DNM3: variants seen among roughly 807,000 people sequenced by gnomAD.
The protein encoded by DNM3 is dynamin 3.
In DNM3, 47 loss-of-function variants were observed where a neutral mutation model predicts 101.6. The observed-to-expected ratio is 0.46, with a 90% CI of 0.37 to 0.59. The LOEUF is 0.59. Among genes scored for constraint, DNM3 ranks in the 20% least tolerant of loss-of-function variants. The probability of loss-of-function intolerance (pLI) is 0.00; values close to 1 mark genes in which losing one functional copy is unlikely to be tolerated. For missense variants in DNM3, 849 were observed against 1,085.7 expected (o/e 0.78, Z 3.06); for synonymous variants, 385 against 387.9 (o/e 0.99, Z 0.09).
At chr1:171,967,996 T>C (rs1256562887) in intron 2 of DNM3, among the ~76,000 whole-genome samples, 1 of 152,182 alleles carries the variant, frequency 6.6e-6, no homozygotes, top group African/African-American at 2.4e-5. Context: ...CTGCCTTTTG[T>C]CAGCTTATTT....
intron 1 of DNM3, among the ~76,000 whole-genome samples, chr1:171,902,583 GGAGT>G (rs1349497069): frequency 6.6e-6 from 1 of 151,862 alleles, no homozygotes; most frequent in Non-Finnish European, 1.5e-5. Flanking sequence ...CCAAAAGGAG[GGAGT>G]ATTTTTTTTA....
chr1:171,957,122 C>G (rs1378737206), intron 2 of DNM3, among the ~76,000 whole-genome samples: 1 of 152,088 alleles, frequency 6.6e-6, no homozygotes, highest in Non-Finnish European at 1.5e-5. Flanking sequence ...CATTAGGCTC[C>G]TTGTTATTTA....
chr1:172,179,974 C>T (rs961926535), intron 14 of DNM3, among the ~76,000 whole-genome samples: 13 of 151,906 alleles, frequency 8.6e-5, no homozygotes, highest in Non-Finnish European at 1.9e-4. Context: ...TTCAGTAAAG[C>T]CTAATTGTAT....
At chr1:172,213,683 G>A (rs370027524) in intron 14 of DNM3, among the ~76,000 whole-genome samples, 2 of 151,746 alleles carry the variant, frequency 1.3e-5, no homozygotes, top group Non-Finnish European at 2.9e-5. Context: ...CAAAAAATTA[G>A]CGAGGCATGG....
At chr1:172,162,124 T>A (rs2058566790) in intron 14 of DNM3, among the ~76,000 whole-genome samples, 1 of 152,124 alleles carries the variant, frequency 6.6e-6, no homozygotes, top group African/African-American at 2.4e-5. Flanking sequence ...TGTTAGTAAA[T>A]ATTTTTATAA....
chr1:172,323,480 T>C (rs191829185), intron 17 of DNM3, 140 bp downstream of exon 17: 5 of 1,038,326 alleles, frequency 4.8e-6, no homozygotes, highest in South Asian at 2.2e-5. Context: ...GTGTGCAAAT[T>C]TGGGGGAAAA....
intron 1 of DNM3, among the ~76,000 whole-genome samples, chr1:171,870,103 C>T (rs572472430): frequency 1.3e-5 from 2 of 152,320 alleles, no homozygotes; most frequent in Non-Finnish European, 2.9e-5. Context: ...CTAGCCTTAA[C>T]TAGGTCTGGT....
chr1:171,894,681 A>AC (rs2037611983), intron 1 of DNM3, among the ~76,000 whole-genome samples: 1 of 152,080 alleles, frequency 6.6e-6, no homozygotes, highest in South Asian at 2.1e-4. Flanking sequence ...GGTTTGTTGC[A>AC]CCCATCAACT....
At chr1:172,147,835 C>G (rs1376857711) in intron 14 of DNM3, among the ~76,000 whole-genome samples, 1 of 152,082 alleles carries the variant, frequency 6.6e-6, no homozygotes, top group Non-Finnish European at 1.5e-5. Context: ...CTTCTTAACC[C>G]TTTCTGTCTT....
At chr1:172,268,592 A>T (rs77104126) in intron 15 of DNM3, among the ~76,000 whole-genome samples, 5,396 of 152,292 alleles carry the variant, frequency 0.035, 141 homozygotes, top group Middle Eastern at 0.095. Flanking sequence ...TTCTCGGCCC[A>T]TTTGGTTTAT....
At chr1:172,315,260 C>T (rs1302603138) in intron 16 of DNM3, among the ~76,000 whole-genome samples, 1 of 152,088 alleles carries the variant, frequency 6.6e-6, no homozygotes, top group Non-Finnish European at 1.5e-5. Flanking sequence ...TCATCAAAGA[C>T]CAAAAGTAGA....
At chr1:172,341,685 A>T (rs1482110912) in intron 17 of DNM3, among the ~76,000 whole-genome samples, 1 of 152,080 alleles carries the variant, frequency 6.6e-6, no homozygotes, top group Non-Finnish European at 1.5e-5. Context: ...CTATATGCAG[A>T]AGATTGAAAT....
intron 14 of DNM3, among the ~76,000 whole-genome samples, chr1:172,235,592 A>T (rs989449059): frequency 6.6e-6 from 1 of 152,232 alleles, no homozygotes; most frequent in Non-Finnish European, 1.5e-5. Flanking sequence ...ACTTGGAACA[A>T]CCAAAATGTC....
chr1:171,886,172 T>A (rs2036750115), intron 1 of DNM3, among the ~76,000 whole-genome samples: 1 of 152,220 alleles, frequency 6.6e-6, no homozygotes, highest in Non-Finnish European at 1.5e-5. Context: ...TTCTTGTAAA[T>A]ACATGGTAAA....
chr1:172,079,437 C>A (rs2052954519), intron 11 of DNM3, among the ~76,000 whole-genome samples: 1 of 151,834 alleles, frequency 6.6e-6, no homozygotes, highest in East Asian at 1.9e-4. Context: ...GTATGCTTCA[C>A]AAAGTTCTTG....
chr1:172,082,325 G>GCT (rs2053216848), intron 12 of DNM3, among the ~76,000 whole-genome samples: 1 of 136,924 alleles, frequency 7.3e-6, no homozygotes, highest in Non-Finnish European at 1.6e-5. Context: ...CTAGAGGCCT[G>GCT]TTTTTTTTTT....
chr1:171,866,602 A>C (rs1481982091), intron 1 of DNM3, among the ~76,000 whole-genome samples: 1 of 152,164 alleles, frequency 6.6e-6, no homozygotes, highest in African/African-American at 2.4e-5. Context: ...GAATTGGTAA[A>C]TTGAAGTTGA....
At chr1:171,864,328 T>A (rs1262136084) in intron 1 of DNM3, 1 of 152,160 alleles carries the variant, frequency 6.6e-6, no homozygotes, top group Non-Finnish European at 1.5e-5. Flanking sequence ...GGGTAGTGAG[T>A]GGAAGAACAC....
intron 14 of DNM3, among the ~76,000 whole-genome samples, chr1:172,151,763 C>A (rs1156249367): frequency 1.3e-5 from 2 of 152,088 alleles, no homozygotes; most frequent in Non-Finnish European, 2.9e-5. Flanking sequence ...CAACTTGCAT[C>A]CATAGGCATT....
Sources: allele counts gnomAD v4.1 joint callset (sites outside exome capture counted in the v4.1 genomes callset), GRCh38; gene constraint gnomAD v4.1.1; transcripts MANE v1.5; gene names NCBI Gene and HGNC (gene_info 2026-07-23, HGNC 2026-07-21).